PLXDC2: variants seen among roughly 807,000 people sequenced by gnomAD.
PLXDC2 encodes plexin domain containing 2.
In PLXDC2, 40 loss-of-function variants were observed where a neutral mutation model predicts 68.9. The ratio of observed to expected loss-of-function variants is 0.58; its 90% CI spans 0.45 to 0.76. PLXDC2 has a LOEUF of 0.76. Ranked by LOEUF, PLXDC2 falls within the 30% of genes least tolerant of loss-of-function variation. The probability of loss-of-function intolerance (pLI) is 0.00; values close to 1 mark genes in which losing one functional copy is unlikely to be tolerated. For missense variants in PLXDC2, 644 were observed against 661.9 expected, an observed-to-expected ratio of 0.97 and a Z score of 0.30; for synonymous variants, 243 against 234.2, an observed-to-expected ratio of 1.04 and a Z score of -0.34.
chr10:19,862,910 A>G (rs889185753), intron 1 of PLXDC2, among the ~76,000 whole-genome samples: 14 of 152,158 alleles, frequency 9.2e-5, no homozygotes, highest in Non-Finnish European at 1.5e-5. Context: ...CTCTATGTAA[A>G]TCTGCTCTGA....
rs1469569109 is a variant in PLXDC2, at chr10:20,284,553, CACTCCAG to C, written c.*4735_*4741del. 6.6e-6 allele frequency: 1 copy of C among 151,130 alleles called. No individual in the cohort carries two copies. Among genetic ancestry groups the C allele is most frequent in the Admixed American group, 6.6e-5 (1 of 15,096 alleles). 9.4% of individuals were successfully genotyped at this position (151,130 alleles called of 1,614,324 possible). ...GCTGTGAGCTATGATCATGCCACTG[CACTCCAG>C]CCTGGGCAACAGAGCAAAACCCCAT... On this transcript the variant is annotated 3_prime_UTR_variant, in exon 14 of 14. Coordinates refer to ENST00000377252, the MANE Select transcript of PLXDC2 (RefSeq NM_032812.9).
Position 20,283,648 on chromosome 10 carries a change from T to C in PLXDC2, c.*3829T>C, listed in dbSNP as rs889762475. The C allele has an allele frequency of 6.6e-6, 1 of 152,242 alleles. No homozygotes were observed. The highest frequency in any genetic ancestry group is 1.5e-5 in the Non-Finnish European group (1 of 68,042). The allele number at this position is 152,242 out of a possible 1,614,324, so 9.4% of individuals were successfully genotyped here. On this transcript the variant is annotated 3_prime_UTR_variant, in exon 14 of 14. Transcript: ENST00000377252. ...ATCCACTCTTTCACAACATTGCCTA[T>C]GAACATCCTTCAACTGGCTCAGTTC...
intron 1 of PLXDC2, among the ~76,000 whole-genome samples, chr10:19,897,982 G>C (rs1195248499): frequency 6.6e-6 from 1 of 151,934 alleles, no homozygotes; most frequent in Non-Finnish European, 1.5e-5. Flanking sequence ...AAAAATACCT[G>C]TTTCCCCTGT....
chr10:19,924,074 C>T (rs994911050), intron 1 of PLXDC2, among the ~76,000 whole-genome samples: 5 of 152,044 alleles, frequency 3.3e-5, no homozygotes, highest in Non-Finnish European at 5.9e-5. Context: ...TCCCGGAAGT[C>T]CCAACCGGCC....
At chr10:20,159,193 A>T (rs933521752) in intron 6 of PLXDC2, among the ~76,000 whole-genome samples, 1 of 152,086 alleles carries the variant, frequency 6.6e-6, no homozygotes, top group Non-Finnish European at 1.5e-5. Flanking sequence ...AGAGCTGCAT[A>T]TGTTGTTCCC....
intron 2 of PLXDC2, among the ~76,000 whole-genome samples, chr10:20,023,938 A>G (rs544646270): frequency 6.6e-6 from 1 of 152,294 alleles, no homozygotes; most frequent in African/African-American, 2.4e-5. Context: ...AATAACAACA[A>G]TTAAGAACTC....
chr10:19,991,607 T>A (rs917024588), intron 1 of PLXDC2, among the ~76,000 whole-genome samples: 5 of 152,162 alleles, frequency 3.3e-5, no homozygotes, highest in African/African-American at 1.2e-4. Context: ...TTGGCTGTCG[T>A]CTCTGGTCGT....
At chr10:20,009,794 A>G (rs1166602940) in intron 2 of PLXDC2, among the ~76,000 whole-genome samples, 1 of 150,600 alleles carries the variant, frequency 6.6e-6, no homozygotes, top group East Asian at 2.0e-4. Flanking sequence ...TTCATTGTGT[A>G]CGACACTAAG....
chr10:20,204,043 C>T (rs1834957919), intron 9 of PLXDC2, among the ~76,000 whole-genome samples: 1 of 151,978 alleles, frequency 6.6e-6, no homozygotes, highest in Non-Finnish European at 1.5e-5. Flanking sequence ...CTATCATTCC[C>T]AGAGCAGTAT....
chr10:20,146,144 T>C (rs1834074321), intron 5 of PLXDC2, among the ~76,000 whole-genome samples: 2 of 152,108 alleles, frequency 1.3e-5, no homozygotes, highest in Admixed American at 1.3e-4. Flanking sequence ...TTGTTTTCAC[T>C]GCATCACCAG....
At chr10:20,068,126 T>G in intron 3 of PLXDC2, 44 bp from the exon 4 acceptor site, 1 of 1,509,416 alleles carries the variant, frequency 6.6e-7, no homozygotes, top group Non-Finnish European at 9.2e-7. Flanking sequence ...ACATTGACTA[T>G]GCTACACATT....
At chr10:20,093,757 T>C (rs1311716636) in intron 4 of PLXDC2, among the ~76,000 whole-genome samples, 4 of 152,166 alleles carry the variant, frequency 2.6e-5, no homozygotes, top group African/African-American at 9.7e-5. Context: ...CAATGCAACC[T>C]CTGCCTCCTG....
intron 1 of PLXDC2, among the ~76,000 whole-genome samples, chr10:19,935,596 A>G (rs1459160281): frequency 6.6e-6 from 1 of 152,202 alleles, no homozygotes; most frequent in Non-Finnish European, 1.5e-5. Flanking sequence ...GCAAGAGGCA[A>G]AGAGATGCTT....
intron 2 of PLXDC2, among the ~76,000 whole-genome samples, chr10:20,003,794 G>A (rs1024455216): frequency 2.0e-5 from 3 of 152,160 alleles, no homozygotes; most frequent in African/African-American, 7.2e-5. Flanking sequence ...TTGGTCCTGA[G>A]AGTGGTATGA....
chr10:19,945,423 T>G (rs73603678), intron 1 of PLXDC2, among the ~76,000 whole-genome samples: 5,491 of 152,284 alleles, frequency 0.036, 337 homozygotes, highest in African/African-American at 0.13. Flanking sequence ...CTTCCTGTCC[T>G]GCAAACCTTC....
At chr10:20,165,777 A>C (rs1277823899) in intron 7 of PLXDC2, among the ~76,000 whole-genome samples, 1 of 152,190 alleles carries the variant, frequency 6.6e-6, no homozygotes, top group Non-Finnish European at 1.5e-5. Context: ...TAGAATAAAA[A>C]GGGACGTGTT....
At chr10:19,989,749 GA>G (rs1450882816) in intron 1 of PLXDC2, among the ~76,000 whole-genome samples, 2 of 114,574 alleles carry the variant, frequency 1.7e-5, no homozygotes, top group African/African-American at 7.6e-5. Context: ...TTACTTATGT[GA>G]ATTTTTTTTT....
intron 1 of PLXDC2, among the ~76,000 whole-genome samples, chr10:19,856,907 T>C (rs1267028523): frequency 6.6e-6 from 1 of 152,230 alleles, no homozygotes; most frequent in African/African-American, 2.4e-5. Flanking sequence ...AATCATTTCC[T>C]TACTGGAAAT....
chr10:20,099,238 T>C (rs1441945076), intron 4 of PLXDC2, among the ~76,000 whole-genome samples: 1 of 152,196 alleles, frequency 6.6e-6, no homozygotes, highest in Non-Finnish European at 1.5e-5. Flanking sequence ...AGTATCACCA[T>C]TAATACCAAC....
Sources: allele counts gnomAD v4.1 joint callset (sites outside exome capture counted in the v4.1 genomes callset), GRCh38; gene constraint gnomAD v4.1.1; transcripts MANE v1.5; gene names NCBI Gene and HGNC (gene_info 2026-07-23, HGNC 2026-07-21).